NTN1: variants seen among roughly 807,000 people sequenced by gnomAD.
NTN1 encodes the protein netrin-1.
Under a neutral mutation model 54.2 loss-of-function variants are expected in NTN1, and 11 were observed. The ratio of observed to expected loss-of-function variants is 0.20; its 90% confidence interval spans 0.13 to 0.34. The LOEUF (loss-of-function observed/expected upper bound fraction) is 0.34, where lower values mean the gene tolerates loss of function less well. Among genes scored for constraint, NTN1 ranks in the 10% least tolerant of loss-of-function variants. The pLI is 1.00. For synonymous variants in NTN1, 371 were observed against 382.0 expected (o/e 0.97, Z 0.33); for missense variants, 740 against 893.1 (o/e 0.83, Z 2.18).
At position 9,044,094 on chromosome 17, in the gene NTN1, T is replaced by C. The variant is rs552329354; in HGVS notation, c.1018+20703T>C. 3.9e-5 allele frequency among the ~76,000 whole-genome samples: 6 copies of C among 152,274 alleles called. No homozygotes were observed. The East Asian group carries it at 1.2e-3, about 29-fold the overall frequency. On this transcript the variant is annotated intron_variant, in intron 2 of 6. Transcript: ENST00000173229. The stretch of plus-strand genomic sequence containing the variant: ...ATTTGTGCTGCTCTCATTGTCACTG[T>C]TTTTACAATGACTGTGTCATTGTAG...
chr17:9,022,964 C>G lies in NTN1; in HGVS notation c.591C>G (p.Asn197Lys). 1 of 1,611,246 alleles carries G rather than the reference C, an allele frequency of 6.2e-7. No homozygotes were observed. Among genetic ancestry groups the G allele is most frequent in the East Asian group, 2.2e-5 (1 of 44,712 alleles). Residue 197 changes from asparagine (N) to lysine (K), a missense_variant, in exon 2 of 7, where the codon AAC becomes AAG. By Grantham distance (94) the Asn-to-Lys change is moderately conservative. Transcript: ENST00000173229. ...ACCGCGCGCCCATCACCAAGCAGAA[C>G]GAGCAGGAGGCCGTGTGCACCGACT... ...RPHRAPITKQ[N>K]EQEAVCTDSH...
chr17:9,114,160 A>ATATATATATATATATATATATAT (rs1310655092), intron 2 of NTN1, among the ~76,000 whole-genome samples: 8 of 94,382 alleles, frequency 8.5e-5, no homozygotes, highest in South Asian at 3.0e-4. Context: ...AAAGAAAAAA[A>ATATATATATATATATATATATAT]AAAAAAATAT....
intron 5 of NTN1, among the ~76,000 whole-genome samples, chr17:9,188,672 C>T (rs1317071460): frequency 6.6e-6 from 1 of 152,124 alleles, no homozygotes; most frequent in Non-Finnish European, 1.5e-5. Flanking sequence ...TGTCGTCTTC[C>T]AGCCCTTTAG....
intron 3 of NTN1, 133 bp downstream of exon 3, chr17:9,163,134 T>C: frequency 1.3e-6 from 1 of 788,020 alleles, no homozygotes; most frequent in South Asian, 1.8e-5. Flanking sequence ...TCTCTCTCTC[T>C]TTCTCTCTCT....
intron 5 of NTN1, among the ~76,000 whole-genome samples, chr17:9,192,775 G>A (rs1451835176): frequency 1.3e-5 from 2 of 152,174 alleles, no homozygotes; most frequent in Admixed American, 6.5e-5. Context: ...GAATGCAGCT[G>A]ACGGTTTAGA....
At chr17:9,222,855 G>A (rs1238241953) in intron 6 of NTN1, among the ~76,000 whole-genome samples, 2 of 152,156 alleles carry the variant, frequency 1.3e-5, no homozygotes, top group African/African-American at 4.8e-5. Flanking sequence ...AAAGGAATCT[G>A]GAGAACTTCT....
At chr17:9,034,978 G>A (rs8067700) in intron 2 of NTN1, among the ~76,000 whole-genome samples, 23,113 of 151,974 alleles carry the variant, frequency 0.15, 1,915 homozygotes, top group Non-Finnish European at 0.18. Flanking sequence ...ACGGAGTTTC[G>A]CTCTGTCGCC....
At chr17:9,137,741 C>G (rs569814112) in intron 2 of NTN1, among the ~76,000 whole-genome samples, 5 of 152,158 alleles carry the variant, frequency 3.3e-5, no homozygotes, top group Non-Finnish European at 5.9e-5. Context: ...TTTCAGTGAG[C>G]CGAGATCGCG....
At chr17:9,116,344 C>T (rs866525563) in intron 2 of NTN1, among the ~76,000 whole-genome samples, 2 of 148,498 alleles carry the variant, frequency 1.3e-5, no homozygotes, top group Non-Finnish European at 3.0e-5. Context: ...GCCTTCACCA[C>T]GTCTTTCTCA....
intron 2 of NTN1, among the ~76,000 whole-genome samples, chr17:9,134,533 A>G (rs76362447): frequency 0.037 from 5,706 of 152,252 alleles, 342 homozygotes; most frequent in African/African-American, 0.13. Context: ...GCCTCTCTCC[A>G]CACTAATTAA....
At chr17:9,119,407 T>A (rs2092225204) in intron 2 of NTN1, among the ~76,000 whole-genome samples, 1 of 151,966 alleles carries the variant, frequency 6.6e-6, no homozygotes, top group African/African-American at 2.4e-5. Context: ...AGGCTGGTCT[T>A]GAACTCCTGA....
In NTN1 at chr17:9,221,161, C is replaced by T. The variant is rs778851476; in HGVS notation, c.1412-7C>T. 7 of 1,592,544 alleles carry T rather than the reference C, an allele frequency of 4.4e-6. No individual in the cohort carries two copies. The highest frequency in any genetic ancestry group is 6.0e-6 in the Non-Finnish European group (7 of 1,161,324). ...TTTGTCTGTGCTCCCCCCCCACCCC[C>T]CTGCAGACTGCGATTCCTACTGCAA... On this transcript the variant is annotated splice_polypyrimidine_tract_variant and splice_region_variant and intron_variant, in intron 5 of 6. Coordinates refer to ENST00000173229, the MANE Select transcript of NTN1 (RefSeq NM_004822.3). The surrounding 1 kb of genome is among the most constrained non-coding windows in gnomAD (Gnocchi z 4.5).
At chr17:9,127,469 G>A (rs535931796) in intron 2 of NTN1, among the ~76,000 whole-genome samples, 4 of 152,294 alleles carry the variant, frequency 2.6e-5, no homozygotes, top group East Asian at 3.9e-4. Flanking sequence ...AGGCTGGCAC[G>A]ATGGCTGCCT....
At chr17:9,123,189 T>C (rs947265465) in intron 2 of NTN1, among the ~76,000 whole-genome samples, 4 of 152,218 alleles carry the variant, frequency 2.6e-5, no homozygotes, top group African/African-American at 9.6e-5. Context: ...CTCAGGTATA[T>C]TGCATATTAA....
rs116024948 is a variant in NTN1, at chr17:9,081,883, A to G, written c.1018+58492A>G. 6.6e-3 allele frequency among the ~76,000 whole-genome samples: 1,002 copies of G among 152,288 alleles called. 10 individuals are homozygous for G. Among genetic ancestry groups the G allele is most frequent in the African/African-American group, 0.023 (962 of 41,552 alleles). On this transcript the variant is annotated intron_variant, in intron 2 of 6. Coordinates refer to ENST00000173229, the MANE Select transcript of NTN1 (RefSeq NM_004822.3). ...TTTAACCTTACATAAGGCCTGGAAG[A>G]GCACTTCCATTTGCCAACTTGCTGC...
intron 2 of NTN1, among the ~76,000 whole-genome samples, chr17:9,023,599 C>T (rs888027856): frequency 6.6e-6 from 1 of 152,270 alleles, no homozygotes. Flanking sequence ...CCAGTGCTCT[C>T]TGCGAAGCCA....
At chr17:9,084,817 A>G (rs1282701863) in intron 2 of NTN1, among the ~76,000 whole-genome samples, 1 of 151,256 alleles carries the variant, frequency 6.6e-6, no homozygotes, top group Admixed American at 6.6e-5. Flanking sequence ...ATGCCTGGCT[A>G]TTTTTTTGTA....
At chr17:9,231,510 C>T (rs550103854) in intron 6 of NTN1, among the ~76,000 whole-genome samples, 66 of 152,326 alleles carry the variant, frequency 4.3e-4, no homozygotes, top group African/African-American at 1.3e-3. Flanking sequence ...AGCCAAGTCC[C>T]GTGTGTAGAG....
intron 6 of NTN1, among the ~76,000 whole-genome samples, chr17:9,226,176 A>T: frequency 7.7e-6 from 1 of 129,916 alleles, no homozygotes. Flanking sequence ...GGGGGGCCTC[A>T]GTGCCAAGGC....
Sources: allele counts gnomAD v4.1 joint callset (sites outside exome capture counted in the v4.1 genomes callset), GRCh38; gene constraint gnomAD v4.1.1; non-coding constraint Gnocchi (gnomAD v3.1); transcripts MANE v1.5; gene names NCBI Gene and HGNC (gene_info 2026-07-23, HGNC 2026-07-21).